Variants in AMBN observed in about 807,000 individuals in gnomAD.
The protein encoded by AMBN is enamel matrix protein.
Under a neutral mutation model 48.0 loss-of-function variants are expected in AMBN, and 54 were observed. That is an observed-to-expected ratio of 1.12 (90% CI 0.90 to 1.41). The LOEUF is 1.41. Ranked by LOEUF, AMBN falls within the 40% of genes most tolerant of loss-of-function variation. AMBN has a pLI of 0.00. For missense variants in AMBN, 571 were observed against 547.3 expected (o/e 1.04, Z -0.43); for synonymous variants, 186 against 190.0 (o/e 0.98, Z 0.17).
chr4:70,606,119 TATA>T, intron 12 of AMBN, 63 bp from the exon 13 acceptor site: 1 of 1,551,174 alleles, frequency 6.4e-7, no homozygotes, highest in East Asian at 2.3e-5. Flanking sequence ...TGTGACCAGG[TATA>T]GCTGCATGGT....
At chr4:70,603,828 T>C in intron 11 of AMBN, 49 bp from the exon 12 acceptor site, 1 of 1,600,102 alleles carries the variant, frequency 6.2e-7, no homozygotes, top group Non-Finnish European at 8.6e-7. Flanking sequence ...CTTGAGTAGA[T>C]AAGAAGGTAG....
chr4:70,604,059 T>A, intron 12 of AMBN, 138 bp downstream of exon 12: 1 of 727,336 alleles, frequency 1.4e-6, no homozygotes, highest in Non-Finnish European at 2.3e-6. Context: ...AAAACTAAGC[T>A]TAATTCTGAA....
intron 2 of AMBN, among the ~76,000 whole-genome samples, chr4:70,596,565 T>G (rs1333485772): frequency 1.3e-5 from 2 of 152,218 alleles, no homozygotes; most frequent in Non-Finnish European, 2.9e-5. Flanking sequence ...TCCCATGCCA[T>G]GTCTTGTAAA....
chr4:70,600,943 T>A (rs1737506652), intron 5 of AMBN, among the ~76,000 whole-genome samples: 1 of 152,180 alleles, frequency 6.6e-6, no homozygotes, highest in Non-Finnish European at 1.5e-5. Context: ...TATCCTTTCA[T>A]TAACTCGAAA....
chr4:70,592,450 A>C lies in AMBN; in HGVS notation c.15+77A>C, dbSNP rs973704302. 6.0e-6 allele frequency: 9 copies of C among 1,506,370 alleles called. No homozygotes were observed. In the African/African-American group the frequency reaches 9.7e-5, roughly 16 times the overall value. The allele number at this position is 1,506,370 out of a possible 1,614,324, so 93.3% of individuals were successfully genotyped here. ...CTATCTCCTGACAGCTTTTATAAAGAGGATTTATCTTCATTTGTCACCAGT... is the reference window on the plus strand; with the variant it reads ...CTATCTCCTGACAGCTTTTATAAAGCGGATTTATCTTCATTTGTCACCAGT... On this transcript the variant is annotated intron_variant, in intron 1 of 12. Coordinates refer to ENST00000322937, the MANE Select transcript of AMBN (RefSeq NM_016519.6).
Position 70,602,787 on chromosome 4 carries a change from C to T in AMBN, c.571-11C>T. 2 of 1,569,020 alleles carry T rather than the reference C, an allele frequency of 1.3e-6. No individual in the cohort carries two copies. Among genetic ancestry groups the T allele is most frequent in the Non-Finnish European group, 8.7e-7 (1 of 1,155,024 alleles). Reference sequence around the variant, plus strand: ...TTTTACTGATAATTTTAATATTTATCTACAATATAGCTCCCAGGAATGGAT... The same window carrying T: ...TTTTACTGATAATTTTAATATTTATTTACAATATAGCTCCCAGGAATGGAT... On this transcript the variant is annotated splice_polypyrimidine_tract_variant and intron_variant, in intron 7 of 12. Transcript: ENST00000322937.
chr4:70,600,716 T>G (rs1480356566), intron 5 of AMBN, among the ~76,000 whole-genome samples: 1 of 152,162 alleles, frequency 6.6e-6, no homozygotes, highest in Admixed American at 6.5e-5. Flanking sequence ...ACATGGTGAT[T>G]TTAACGGGGA....
rs887855504 is a variant in AMBN at position 70,606,986 on chromosome 4, G to A, written c.*256G>A. On this transcript the variant is annotated 3_prime_UTR_variant, in exon 13 of 13. Transcript: ENST00000322937. ...ATAACATCAGAGCAAGGTTCTAAGG[G>A]TCTCAGCATTTGATCATCACTTTTT... The A allele has an allele frequency of 2.4e-6, 1 of 417,902 alleles. No individual in the cohort carries two copies. Among genetic ancestry groups the A allele is most frequent in the Admixed American group, 3.9e-5 (1 of 25,422 alleles). The allele number at this position is 417,902 out of a possible 1,614,324, so 25.9% of individuals were successfully genotyped here.
chr4:70,603,212 G>A lies in AMBN; in HGVS notation c.649-48G>A, dbSNP rs1391442851. The A allele has an allele frequency of 3.2e-6, 5 of 1,559,298 alleles. No homozygotes were observed. The African/African-American group carries it at 5.4e-5, about 17-fold the overall frequency. On this transcript the variant is annotated intron_variant, in intron 9 of 12. Transcript: ENST00000322937. ...CATATACCTCAAAAATTACTGTTATGGGGATGTGCCTGTGAGAATTACTTA... is the reference window on the plus strand; with the variant it reads ...CATATACCTCAAAAATTACTGTTATAGGGATGTGCCTGTGAGAATTACTTA...
chr4:70,601,895 G>T (rs1411863610), intron 6 of AMBN: 3 of 613,536 alleles, frequency 4.9e-6, no homozygotes, highest in South Asian at 4.5e-5. Flanking sequence ...ATAAAACTGG[G>T]TTTCTTAGTT....
At chr4:70,599,003 G>A (rs1468549007) in intron 4 of AMBN, among the ~76,000 whole-genome samples, 2 of 149,764 alleles carry the variant, frequency 1.3e-5, no homozygotes, top group African/African-American at 4.9e-5. Context: ...TCGAATGCCT[G>A]ACCTCAGGTG....
At chr4:70,595,782 G>A (rs1053949631) in intron 2 of AMBN, among the ~76,000 whole-genome samples, 14 of 152,124 alleles carry the variant, frequency 9.2e-5, no homozygotes, top group Non-Finnish European at 1.3e-4. Flanking sequence ...TCTTCCATTC[G>A]CCATGTTTTC....
chr4:70,603,391 G>A (rs774477839), intron 10 of AMBN, 25 bp from the exon 11 acceptor site: 2 of 1,613,364 alleles, frequency 1.2e-6, no homozygotes, highest in Non-Finnish European at 1.7e-6. Context: ...AATGCATTTT[G>A]TGATAATGAT....
In AMBN at chr4:70,602,671, A is replaced by T. The variant is rs200594154; in HGVS notation, c.570+9A>T. On this transcript the variant is annotated intron_variant, in intron 7 of 12. Coordinates refer to ENST00000322937, the MANE Select transcript of AMBN (RefSeq NM_016519.6). ...ATCCACAAGGTCCATCAGTAAGTAC[A>T]GATCTCAATGAGACACTTTCTGTAT... 2.3e-4 allele frequency: 365 copies of T among 1,570,962 alleles called. No homozygotes were observed. In the African/African-American group the frequency reaches 4.5e-3, roughly 19 times the overall value.
chr4:70,595,849 AAAAAAAC>A (rs963447049), intron 2 of AMBN, among the ~76,000 whole-genome samples: 13 of 152,048 alleles, frequency 8.5e-5, no homozygotes, highest in Admixed American at 6.5e-4. Context: ...TATATTTAAC[AAAAAAAC>A]AAAAAACAAA....
rs1737437191 is a variant in AMBN, at chr4:70,598,371, G to A, written c.151G>A (p.Gly51Arg). The change falls in exon 4 of 13, where the codon GGA becomes AGA. Residue 51 changes from glycine (G) to arginine (R), a missense_variant. Transcript: ENST00000322937. The part of the protein sequence containing the change: ...SLSLETMRQL[G>R]SLQRLNTLSQ... ...TTCTTGATAGACAATGAGACAGTTG[G>A]GAAGTCTGCAGAGATTAAACACACT... is the stretch of plus-strand genomic sequence containing the variant. 1.3e-6 allele frequency: 2 copies of A among 1,584,204 alleles called. No homozygotes were observed. The highest frequency in any genetic ancestry group is 1.7e-6 in the Non-Finnish European group (2 of 1,165,040).
At chr4:70,593,644 G>A (rs1255180951) in intron 2 of AMBN, among the ~76,000 whole-genome samples, 1 of 152,052 alleles carries the variant, frequency 6.6e-6, no homozygotes, top group Non-Finnish European at 1.5e-5. Flanking sequence ...GCAGGAGGAT[G>A]ACCTGAGGTG....
At chr4:70,599,230 C>T (rs1737459751) in intron 4 of AMBN, among the ~76,000 whole-genome samples, 1 of 151,986 alleles carries the variant, frequency 6.6e-6, no homozygotes, top group Non-Finnish European at 1.5e-5. Context: ...ATCATGAGGT[C>T]AAGAGATCAA....
chr4:70,597,488 A>G (rs1376339976), intron 3 of AMBN, among the ~76,000 whole-genome samples: 1 of 152,114 alleles, frequency 6.6e-6, no homozygotes, highest in Non-Finnish European at 1.5e-5. Context: ...ACATTGTACT[A>G]TGATACTTCC....
Sources: gnomAD v4.1 joint callset for allele counts (sites outside exome capture counted in the v4.1 genomes callset) on GRCh38, gnomAD v4.1.1 for gene constraint, MANE v1.5 for transcripts, NCBI Gene and HGNC (gene_info 2026-07-23, HGNC 2026-07-21) for gene names.